The following HIVEP3 variants were observed in gnomAD, a reference collection of about 807,000 sequenced individuals.
HIVEP3 encodes the protein transcription factor HIVEP3.
In HIVEP3, 49 loss-of-function variants were observed where a neutral mutation model predicts 152.8. That is an observed-to-expected ratio of 0.32 (90% CI 0.26 to 0.41). The LOEUF (loss-of-function observed/expected upper bound fraction) is 0.41, where lower values mean the gene tolerates loss of function less well. HIVEP3 is among the 10% of genes least tolerant of loss of function. The pLI, the probability that HIVEP3 is intolerant of heterozygous loss-of-function variation, is 1.00. For synonymous variants in HIVEP3, 1,269 were observed against 1,289.0 expected (o/e 0.98, Z 0.33); for missense variants, 2,790 against 3,103.3 (o/e 0.90, Z 2.40).
At chr1:42,028,896 G>C (rs1336573108) in intron 1 of HIVEP3, among the ~76,000 whole-genome samples, 1 of 152,186 alleles carries the variant, frequency 6.6e-6, no homozygotes, top group African/African-American at 2.4e-5. Flanking sequence ...CATCCAAAGA[G>C]GGCAGCCACT....
At chr1:42,027,702 G>A (rs1645590285) in intron 1 of HIVEP3, among the ~76,000 whole-genome samples, 1 of 152,178 alleles carries the variant, frequency 6.6e-6, no homozygotes, top group African/African-American at 2.4e-5. Context: ...GGTTTAACTG[G>A]ACTTACAGTT....
intron 5 of HIVEP3, among the ~76,000 whole-genome samples, chr1:41,560,755 T>G (rs914014059): frequency 6.6e-6 from 1 of 152,170 alleles, no homozygotes; most frequent in African/African-American, 2.4e-5. Flanking sequence ...AGGTGCTTTC[T>G]CTCTCATCCA....
intron 3 of HIVEP3, among the ~76,000 whole-genome samples, chr1:41,607,123 G>A (rs866446214): frequency 3.3e-5 from 5 of 152,020 alleles, no homozygotes; most frequent in South Asian, 2.1e-4. Context: ...AAGCCTGGCC[G>A]TGTGTATTTC....
At chr1:41,736,176 T>A (rs12139676) in intron 1 of HIVEP3, among the ~76,000 whole-genome samples, 48,534 of 151,982 alleles carry the variant, frequency 0.32, 8,736 homozygotes, top group East Asian at 0.47. Context: ...AATGTTCTGA[T>A]CCCTCCCCAC....
chr1:41,549,150 T>C (rs1488008161), intron 5 of HIVEP3, among the ~76,000 whole-genome samples: 1 of 152,166 alleles, frequency 6.6e-6, no homozygotes, highest in East Asian at 1.9e-4. Flanking sequence ...TGTGATAGTT[T>C]GCTCAGAATG....
At chr1:42,024,937 G>A (rs1232397419) in intron 1 of HIVEP3, among the ~76,000 whole-genome samples, 3 of 152,152 alleles carry the variant, frequency 2.0e-5, no homozygotes, top group Non-Finnish European at 4.4e-5. Context: ...AGATTCCATT[G>A]ATGTTGAGAA....
chr1:41,583,787 G>T lies in HIVEP3; in HGVS notation c.1011C>A (p.Asp337Glu). 3 of 1,591,244 alleles carry T rather than the reference G, an allele frequency of 1.9e-6. No homozygotes were observed. The highest frequency in any genetic ancestry group is 2.6e-6 in the Non-Finnish European group (3 of 1,168,228). Residue 337 changes from aspartate (D) to glutamate (E), a missense_variant, in exon 4 of 9, where the codon GAC becomes GAA. Transcript: ENST00000372583. The surrounding 1 kb of genome is among the most constrained non-coding windows in gnomAD (Gnocchi z 6.9). ...SQSSTAQSLE[D>E]PPPFVEPSSE... ...ATGAGGGTTCCACAAATGGAGGGGG[G>T]TCTTCGAGTGACTGGGCTGTGCTGG...
intron 1 of HIVEP3, among the ~76,000 whole-genome samples, chr1:41,941,901 G>A (rs1370251950): frequency 6.6e-6 from 1 of 152,154 alleles, no homozygotes; most frequent in Non-Finnish European, 1.5e-5. Context: ...CACACTTTCA[G>A]TGGCAAGTGT....
intron 5 of HIVEP3, among the ~76,000 whole-genome samples, chr1:41,563,609 C>T (rs1208173220): frequency 6.6e-6 from 1 of 152,130 alleles, no homozygotes; most frequent in African/African-American, 2.4e-5. Flanking sequence ...AACTCGCCGT[C>T]AAAGAGCCTC....
chr1:41,895,675 G>A (rs914899301), intron 1 of HIVEP3, among the ~76,000 whole-genome samples: 3 of 150,612 alleles, frequency 2.0e-5, no homozygotes, highest in Non-Finnish European at 2.9e-5. Context: ...TCTAGCTAAC[G>A]GTAAGGAGAG....
intron 1 of HIVEP3, among the ~76,000 whole-genome samples, chr1:41,701,645 C>A (rs1421360888): frequency 6.6e-6 from 1 of 152,198 alleles, no homozygotes; most frequent in East Asian, 1.9e-4. Context: ...GAAATTATTT[C>A]TCCAAACTCC....
intron 2 of HIVEP3, among the ~76,000 whole-genome samples, chr1:41,685,131 G>A (rs1242472729): frequency 2.0e-5 from 3 of 152,134 alleles, no homozygotes; most frequent in Non-Finnish European, 2.9e-5. Context: ...CACTCCCCCA[G>A]CCTTCTTCTT....
intron 1 of HIVEP3, among the ~76,000 whole-genome samples, chr1:41,814,245 C>T (rs908908692): frequency 6.6e-6 from 1 of 152,192 alleles, no homozygotes; most frequent in Non-Finnish European, 1.5e-5. Context: ...AGCCAGCACT[C>T]AGCAGACATT....
At chr1:42,001,090 G>A (rs951674417) in intron 1 of HIVEP3, among the ~76,000 whole-genome samples, 1 of 152,180 alleles carries the variant, frequency 6.6e-6, no homozygotes, top group Non-Finnish European at 1.5e-5. Context: ...CAGGTGGTCT[G>A]ATCCAGAGTC....
At chr1:41,627,912 G>C (rs1246266705) in intron 3 of HIVEP3, among the ~76,000 whole-genome samples, 1 of 132,884 alleles carries the variant, frequency 7.5e-6, no homozygotes, top group Non-Finnish European at 1.6e-5. Context: ...TCCTTCCTTT[G>C]TCATACCAGG....
At chr1:41,644,513 T>G (rs1645427689) in intron 2 of HIVEP3, among the ~76,000 whole-genome samples, 1 of 152,068 alleles carries the variant, frequency 6.6e-6, no homozygotes, top group African/African-American at 2.4e-5. Context: ...TCTTTCTAAT[T>G]AAAGGAAACA....
chr1:41,590,968 T>A (rs1013681133), intron 3 of HIVEP3, among the ~76,000 whole-genome samples: 1 of 152,184 alleles, frequency 6.6e-6, no homozygotes, highest in African/African-American at 2.4e-5. Flanking sequence ...AGTCTCCCCA[T>A]CTGTAAAAAG....
At chr1:41,867,429 G>A (rs560902240) in intron 1 of HIVEP3, among the ~76,000 whole-genome samples, 1 of 152,282 alleles carries the variant, frequency 6.6e-6, no homozygotes, top group East Asian at 1.9e-4. Context: ...CAAGCAGGCT[G>A]CAGTTTGCAG....
chr1:41,581,007 C>T lies in HIVEP3; in HGVS notation c.3791G>A (p.Ser1264Asn), dbSNP rs1222088246. ...ACTTCCTGTTGCCAGTGGGGCCAGG[C>T]TGGTTTTGATCTGGGGCAGATGGCT... is the stretch of plus-strand genomic sequence containing the variant. ...VESHLPQIKT[S>N]LAPLATGSAG... is the part of the protein sequence containing the mutation. Residue 1264 changes from serine (S) to asparagine (N), a missense_variant, in exon 4 of 9, where the codon AGC becomes AAC. Coordinates refer to ENST00000372583, the MANE Select transcript of HIVEP3 (RefSeq NM_024503.5). This position sits in a 1 kb window ranked among gnomAD's most constrained non-coding sequence, Gnocchi z 4.5. The T allele has an allele frequency of 6.4e-7, 1 of 1,568,678 alleles. No individual in the cohort carries two copies. Among genetic ancestry groups the T allele is most frequent in the African/African-American group, 1.4e-5 (1 of 73,828 alleles).
Sources: allele counts gnomAD v4.1 joint callset (sites outside exome capture counted in the v4.1 genomes callset), GRCh38; gene constraint gnomAD v4.1.1; non-coding constraint Gnocchi (gnomAD v3.1); transcripts MANE v1.5; gene names NCBI Gene and HGNC (gene_info 2026-07-23, HGNC 2026-07-21).